Variants in RFC1 observed in about 807,000 individuals in gnomAD.
RFC1 encodes A1 140 kDa subunit.
A neutral mutation model predicts 137.4 loss-of-function variants in RFC1; 37 were observed. The ratio of observed to expected loss-of-function variants is 0.27; its 90% CI spans 0.21 to 0.35. RFC1 has a LOEUF of 0.35. Among genes scored for constraint, RFC1 ranks in the 10% least tolerant of loss-of-function variants. The pLI is 1.00. For missense variants in RFC1, 1,205 were observed against 1,358.5 expected, an observed-to-expected ratio of 0.89 and a Z score of 1.78; for synonymous variants, 429 against 455.7, an observed-to-expected ratio of 0.94 and a Z score of 0.75.
Position 39,332,635 on chromosome 4 carries a change from GTCAAAA to G in RFC1, c.332-4885_332-4880del. ...TTAGGAAAGTTTTTCCTTATATTAA[GTCAAAA>G]TACTTCCCTGTGAATTCCACCTACT... On this transcript the variant is annotated intron_variant, in intron 4 of 24. Coordinates refer to ENST00000349703, the MANE Select transcript of RFC1 (RefSeq NM_002913.5). Among the ~76,000 whole-genome samples, 2 of 152,124 alleles carry G rather than the reference GTCAAAA, an allele frequency of 1.3e-5. 1 individual carries two copies. The highest frequency in any genetic ancestry group is 1.3e-4 in the Admixed American group (2 of 15,278).
In RFC1 at chr4:39,351,829, G is replaced by A. The variant is rs979036893; in HGVS notation, c.4-353C>T. On this transcript the variant is annotated intron_variant, in intron 1 of 24. Coordinates refer to ENST00000349703, the MANE Select transcript of RFC1 (RefSeq NM_002913.5). ...ATACAAAAAATTAGCTGGGCATGGT[G>A]GCAGGTGCCTGTAATTCCAGCTACT... 2.3e-4 allele frequency among the ~76,000 whole-genome samples: 35 copies of A among 152,134 alleles called. 1 individual carries two copies. The highest frequency in any genetic ancestry group is 1.9e-4 in the Non-Finnish European group (13 of 67,994).
At chr4:39,322,234 C>G (rs186068946) in intron 7 of RFC1, 11 of 152,084 alleles carry the variant, frequency 7.2e-5, no homozygotes, top group Admixed American at 5.9e-4. Context: ...GGCAAAACCC[C>G]ATCTCTACAA....
intron 23 of RFC1, among the ~76,000 whole-genome samples, chr4:39,290,466 A>C (rs1244889493): frequency 6.6e-6 from 1 of 152,178 alleles, no homozygotes; most frequent in African/African-American, 2.4e-5. Flanking sequence ...CCTATTCAGC[A>C]TTCTCCACAT....
At chr4:39,308,025 T>C (rs954020709) in intron 13 of RFC1, among the ~76,000 whole-genome samples, 14 of 152,100 alleles carry the variant, frequency 9.2e-5, no homozygotes, top group African/African-American at 3.4e-4. Flanking sequence ...CCACGACAAA[T>C]AATACATCAT....
chr4:39,295,675 G>A lies in RFC1; in HGVS notation c.2893C>T (p.His965Tyr), dbSNP rs771665656. The A allele has an allele frequency of 8.7e-6, 14 of 1,613,712 alleles. No homozygotes were observed. Among genetic ancestry groups the A allele is most frequent in the Non-Finnish European group, 1.2e-5 (14 of 1,179,770 alleles). ...FPTFPSWLGK[H>Y]SSTGKHDRIV... Reference sequence around the variant, plus strand: ...CGATCATGTTTGCCTGTAGACGAGTGCTTCCCCAGCCAGCTTGGGAAGGTG... The same window carrying A: ...CGATCATGTTTGCCTGTAGACGAGTACTTCCCCAGCCAGCTTGGGAAGGTG... Residue 965 changes from histidine to tyrosine, a missense_variant, in exon 22 of 25, where the codon CAC becomes TAC. His to Tyr is a moderately conservative substitution (Grantham distance 83). Coordinates refer to ENST00000349703, the MANE Select transcript of RFC1 (RefSeq NM_002913.5).
At chr4:39,307,094 C>T (rs181140933) in intron 13 of RFC1, among the ~76,000 whole-genome samples, 106 of 152,300 alleles carry the variant, frequency 7.0e-4, no homozygotes, top group African/African-American at 2.1e-3. Context: ...TGCCTGCCTC[C>T]TCCTTTGTTA....
rs1578109516 is a variant in RFC1, at chr4:39,299,874, C to T, written c.2808+147G>A. The T allele has an allele frequency of 5.9e-5, 36 of 612,894 alleles. No individual in the cohort carries two copies. In the East Asian group the frequency reaches 1.0e-3, roughly 17 times the overall value. 38.0% of individuals were successfully genotyped at this position (612,894 alleles called of 1,614,324 possible). The stretch of plus-strand genomic sequence containing the variant: ...AGGCTCCAGTGAGCCGAGATCATAC[C>T]ACTACACTCCAGCCCGGGCAACAGA... On this transcript the variant is annotated intron_variant, in intron 21 of 24. Coordinates refer to ENST00000349703, the MANE Select transcript of RFC1 (RefSeq NM_002913.5).
At chr4:39,342,867 T>G (rs1383834049) in intron 3 of RFC1, among the ~76,000 whole-genome samples, 1 of 152,206 alleles carries the variant, frequency 6.6e-6, no homozygotes, top group East Asian at 1.9e-4. Context: ...AGACCCTTCC[T>G]GCATCTTCAA....
intron 2 of RFC1, among the ~76,000 whole-genome samples, chr4:39,346,834 C>G (rs750352102): frequency 6.6e-6 from 1 of 152,174 alleles, no homozygotes; most frequent in African/African-American, 2.4e-5. Flanking sequence ...CAAATTCTGC[C>G]TGTAAACTTT....
At chr4:39,335,356 T>C (rs897553344) in intron 4 of RFC1, among the ~76,000 whole-genome samples, 4 of 152,296 alleles carry the variant, frequency 2.6e-5, no homozygotes, top group Admixed American at 2.0e-4. Flanking sequence ...TGCCCATTTA[T>C]GTGGTAAATC....
At chr4:39,316,367 T>G (rs1473622756) in intron 10 of RFC1, among the ~76,000 whole-genome samples, 1 of 152,196 alleles carries the variant, frequency 6.6e-6, no homozygotes, top group Non-Finnish European at 1.5e-5. Flanking sequence ...TTCTTTCAGT[T>G]CCTCAAACAT....
At chr4:39,336,265 A>G (rs1356191855) in intron 4 of RFC1, among the ~76,000 whole-genome samples, 15 of 152,200 alleles carry the variant, frequency 9.9e-5, no homozygotes, top group Non-Finnish European at 1.5e-5. Flanking sequence ...CATATAAAAT[A>G]GAAGCCCCTG....
intron 4 of RFC1, among the ~76,000 whole-genome samples, chr4:39,337,270 A>G (rs1740399355): frequency 6.6e-6 from 1 of 152,128 alleles, no homozygotes; most frequent in African/African-American, 2.4e-5. Flanking sequence ...GCTACTCAGA[A>G]GGCTGAGGCA....
rs572739642 is a variant in RFC1, at chr4:39,312,098, C to T, written c.1384-549G>A. ...TAAGACATGTTTCTGGGAAAACTCT[C>T]GTCAGGCCAGTCACAGCTCTTATGA... On this transcript the variant is annotated intron_variant, in intron 11 of 24. Transcript: ENST00000349703. Among the ~76,000 whole-genome samples, 11 of 152,336 alleles carry T rather than the reference C, an allele frequency of 7.2e-5. No individual in the cohort carries two copies. The South Asian group carries it at 1.5e-3, about 20-fold the overall frequency.
intron 4 of RFC1, among the ~76,000 whole-genome samples, chr4:39,329,392 C>G (rs1316743674): frequency 6.6e-6 from 1 of 151,616 alleles, no homozygotes; most frequent in African/African-American, 2.4e-5. Context: ...GAGTTCAAGA[C>G]CAGCCTGGTC....
chr4:39,292,615 A>T (rs572097274), intron 22 of RFC1, among the ~76,000 whole-genome samples: 10 of 144,056 alleles, frequency 6.9e-5, no homozygotes, highest in Admixed American at 3.5e-4. Context: ...ATATGTATAC[A>T]TTATTTATTT....
chr4:39,345,571 A>G, intron 2 of RFC1, 95 bp from the exon 3 acceptor site: 1 of 960,672 alleles, frequency 1.0e-6, no homozygotes. Context: ...TCCAGGCTGG[A>G]GCGCAGTGGC....
chr4:39,304,835 T>C lies in RFC1; in HGVS notation c.2089A>G (p.Ser697Gly). 6.2e-7 allele frequency: 1 copy of C among 1,608,662 alleles called. No individual in the cohort carries two copies. The highest frequency in any genetic ancestry group is 8.5e-7 in the Non-Finnish European group (1 of 1,175,074). The change falls in exon 15 of 25, where the codon AGC becomes GGC. Residue 697 changes from serine to glycine, a missense_variant. Transcript: ENST00000349703. Reference sequence around the variant, plus strand: ...ATACTTGAATAAAAGCCTTTGATGCTGGTATTGTTCAGTGACTCAGCAACA... The same window carrying C: ...ATACTTGAATAAAAGCCTTTGATGCCGGTATTGTTCAGTGACTCAGCAACA... Reference protein sequence around the residue: ...AIVAESLNNTSIKGFYSNGAA... With the variant: ...AIVAESLNNTGIKGFYSNGAA...
At chr4:39,294,948 A>G (rs1737904025) in intron 22 of RFC1, among the ~76,000 whole-genome samples, 1 of 152,222 alleles carries the variant, frequency 6.6e-6, no homozygotes, top group Non-Finnish European at 1.5e-5. Flanking sequence ...GGATGCAGTG[A>G]GCAGAGATCG....
Sources: allele counts gnomAD v4.1 joint callset (sites outside exome capture counted in the v4.1 genomes callset), GRCh38; gene constraint gnomAD v4.1.1; transcripts MANE v1.5; gene names NCBI Gene and HGNC (gene_info 2026-07-23, HGNC 2026-07-21).